PXDNL: variants seen among roughly 807,000 people sequenced by gnomAD.
PXDNL encodes probable oxidoreductase PXDNL.
PXDNL carries 145 observed loss-of-function variants against 150.8 expected under a neutral mutation model. The observed-to-expected ratio is 0.96, with a 90% CI of 0.84 to 1.10. PXDNL has a LOEUF of 1.10. Among genes scored for constraint, PXDNL ranks in the 50% least tolerant of loss-of-function variants. The pLI, the probability that PXDNL is intolerant of heterozygous loss-of-function variation, is 0.00. For missense variants in PXDNL, 2,087 were observed against 1,873.9 expected, an observed-to-expected ratio of 1.11 and a Z score of -2.10; for synonymous variants, 757 against 725.7, an observed-to-expected ratio of 1.04 and a Z score of -0.69.
At chr8:51,453,274 A>G (rs770707603) in intron 10 of PXDNL, among the ~76,000 whole-genome samples, 1 of 152,204 alleles carries the variant, frequency 6.6e-6, no homozygotes, top group Non-Finnish European at 1.5e-5. Flanking sequence ...TTCCTTCCAG[A>G]TTAATGACTC....
intron 18 of PXDNL, among the ~76,000 whole-genome samples, chr8:51,373,788 T>A (rs1807209831): frequency 6.6e-6 from 1 of 152,194 alleles, no homozygotes; most frequent in South Asian, 2.1e-4. Context: ...GATTCCTAGA[T>A]CTTACTCAAC....
intron 4 of PXDNL, among the ~76,000 whole-genome samples, chr8:51,547,972 A>AGAT (rs1242418902): frequency 6.6e-6 from 1 of 152,160 alleles, no homozygotes; most frequent in African/African-American, 2.4e-5. Flanking sequence ...GCAGAGAAAT[A>AGAT]GATAGCATAA....
At chr8:51,676,907 C>T (rs1341530772) in intron 1 of PXDNL, among the ~76,000 whole-genome samples, 1 of 152,134 alleles carries the variant, frequency 6.6e-6, no homozygotes, top group East Asian at 1.9e-4. Context: ...GGAATAAACA[C>T]CTCAGGGCTA....
rs565767835 is a variant in PXDNL, at chr8:51,428,509, G to A, written c.1526-1751C>T. On this transcript the variant is annotated intron_variant, in intron 12 of 22. Transcript: ENST00000356297. ...AAGACTGTGTGGTATTGAGGAATAC[G>A]GGAGACACAGACACAAATATCAATG... Among the ~76,000 whole-genome samples, 35 of 152,276 alleles carry A rather than the reference G, an allele frequency of 2.3e-4. 1 individual carries two copies. The highest frequency in any genetic ancestry group is 7.2e-4 in the African/African-American group (30 of 41,564).
At chr8:51,644,274 G>A (rs1252167572) in intron 2 of PXDNL, among the ~76,000 whole-genome samples, 3 of 139,406 alleles carry the variant, frequency 2.2e-5, no homozygotes, top group African/African-American at 2.5e-5. Context: ...TAGTCTGGGT[G>A]GAGATCAGGG....
chr8:51,682,110 T>C (rs965489175), intron 1 of PXDNL, among the ~76,000 whole-genome samples: 1 of 152,232 alleles, frequency 6.6e-6, no homozygotes, highest in Non-Finnish European at 1.5e-5. Flanking sequence ...TTATGTTATA[T>C]AAATGCTATG....
chr8:51,343,493 A>G (rs1440640191), intron 20 of PXDNL, among the ~76,000 whole-genome samples: 7 of 152,236 alleles, frequency 4.6e-5, no homozygotes, highest in Non-Finnish European at 1.0e-4. Flanking sequence ...GATTGGCAGG[A>G]GGCTAAAAAT....
intron 17 of PXDNL, among the ~76,000 whole-genome samples, chr8:51,376,609 GT>G (rs2130796087): frequency 6.6e-6 from 1 of 151,986 alleles, no homozygotes; most frequent in South Asian, 2.1e-4. Flanking sequence ...CGAATTTCTG[GT>G]TGGGTAGCAT....
intron 21 of PXDNL, among the ~76,000 whole-genome samples, chr8:51,330,565 G>A (rs972376378): frequency 7.1e-6 from 1 of 140,784 alleles, no homozygotes; most frequent in Non-Finnish European, 1.6e-5. Context: ...GAGGCTGAAA[G>A]TCCAAAATCA....
chr8:51,366,093 G>A (rs551678435), intron 19 of PXDNL, among the ~76,000 whole-genome samples: 3 of 152,236 alleles, frequency 2.0e-5, no homozygotes, highest in Admixed American at 6.5e-5. Context: ...TAAAGTTTTG[G>A]TCTATCTCCC....
chr8:51,755,184 TG>T (rs773498024), intron 1 of PXDNL, among the ~76,000 whole-genome samples: 10 of 152,200 alleles, frequency 6.6e-5, no homozygotes, highest in Non-Finnish European at 1.3e-4. Flanking sequence ...TAAATTAAAC[TG>T]TAAATAAAAT....
At chr8:51,399,454 T>C (rs1196729796) in intron 17 of PXDNL, among the ~76,000 whole-genome samples, 1 of 152,156 alleles carries the variant, frequency 6.6e-6, no homozygotes, top group Admixed American at 6.5e-5. Flanking sequence ...TCCAAAAACA[T>C]TCCAAGCAAA....
At chr8:51,650,592 A>G (rs1212154036) in intron 2 of PXDNL, among the ~76,000 whole-genome samples, 1 of 152,188 alleles carries the variant, frequency 6.6e-6, no homozygotes, top group African/African-American at 2.4e-5. Context: ...GCTTGTGGAA[A>G]TTGCCCTAGG....
intron 2 of PXDNL, among the ~76,000 whole-genome samples, chr8:51,627,357 T>A (rs1476726552): frequency 7.9e-5 from 12 of 152,226 alleles, no homozygotes; most frequent in Non-Finnish European, 1.6e-4. Context: ...TAATTATTTG[T>A]ATATGATCAT....
chr8:51,442,499 C>A (rs1809574334), intron 12 of PXDNL, among the ~76,000 whole-genome samples: 1 of 151,732 alleles, frequency 6.6e-6, no homozygotes, highest in Non-Finnish European at 1.5e-5. Flanking sequence ...CTAATGAGTT[C>A]AGTAGACCTA....
chr8:51,478,943 A>C (rs914955150), intron 6 of PXDNL, among the ~76,000 whole-genome samples: 2 of 152,192 alleles, frequency 1.3e-5, no homozygotes, highest in African/African-American at 2.4e-5. Context: ...TAAATTCATA[A>C]CATAAAGATA....
intron 5 of PXDNL, among the ~76,000 whole-genome samples, chr8:51,491,669 T>G (rs1427987036): frequency 6.6e-6 from 1 of 152,130 alleles, no homozygotes; most frequent in African/African-American, 2.4e-5. Context: ...CTTCCCATCT[T>G]CACAGTTTTC....
At chr8:51,355,194 A>T (rs1360620382) in intron 19 of PXDNL, among the ~76,000 whole-genome samples, 1 of 152,222 alleles carries the variant, frequency 6.6e-6, no homozygotes, top group African/African-American at 2.4e-5. Context: ...TTTATAAGTT[A>T]AGCATGAAAA....
At chr8:51,502,901 G>A (rs143560526) in intron 4 of PXDNL, among the ~76,000 whole-genome samples, 1 of 152,046 alleles carries the variant, frequency 6.6e-6, no homozygotes, top group Non-Finnish European at 1.5e-5. Context: ...GACAATCTAA[G>A]GGGTAGAATA....
Sources: gnomAD v4.1 joint callset for allele counts (sites outside exome capture counted in the v4.1 genomes callset) on GRCh38, gnomAD v4.1.1 for gene constraint, MANE v1.5 for transcripts, NCBI Gene and HGNC (gene_info 2026-07-23, HGNC 2026-07-21) for gene names.